KCTD16: variants seen among roughly 807,000 people sequenced by gnomAD.
The protein encoded by KCTD16 is BTB/POZ domain-containing protein KCTD16.
In KCTD16, 13 loss-of-function variants were observed where a neutral mutation model predicts 33.2. That is an observed-to-expected ratio of 0.39 (90% CI 0.25 to 0.62). The LOEUF is 0.62. Among genes scored for constraint, KCTD16 ranks in the 20% least tolerant of loss-of-function variants. The probability of loss-of-function intolerance (pLI) is 0.50; values close to 1 mark genes in which losing one functional copy is unlikely to be tolerated. For missense variants in KCTD16, 441 were observed against 525.1 expected, an observed-to-expected ratio of 0.84 and a Z score of 1.57; for synonymous variants, 197 against 195.3, an observed-to-expected ratio of 1.01 and a Z score of -0.07.
chr5:144,426,476 C>A (rs1039575463), intron 3 of KCTD16, among the ~76,000 whole-genome samples: 6 of 152,098 alleles, frequency 3.9e-5, no homozygotes, highest in African/African-American at 1.4e-4. Flanking sequence ...TAAAATTCTT[C>A]CAGATTCTGC....
rs1754594379 is a variant in KCTD16, at chr5:144,476,355, A to C, written c.*2241A>C. The C allele has an allele frequency of 6.6e-6, 1 of 152,198 alleles. No homozygotes were observed. The highest frequency in any genetic ancestry group is 2.4e-5 in the African/African-American group (1 of 41,466). 9.4% of individuals were successfully genotyped at this position (152,198 alleles called of 1,614,324 possible). On this transcript the variant is annotated 3_prime_UTR_variant, in exon 4 of 4. Coordinates refer to ENST00000512467, the MANE Select transcript of KCTD16 (RefSeq NM_020768.4). ...CTCAAGATAGAGAGATACCCTTATA[A>C]GAGTAAAGAATTAAGATGATAGTCA...
chr5:144,326,365 C>G (rs1752208354), intron 3 of KCTD16, among the ~76,000 whole-genome samples: 2 of 152,048 alleles, frequency 1.3e-5, no homozygotes, highest in South Asian at 2.1e-4. Context: ...AAATAATTAT[C>G]TCATCGAGGA....
rs137909026 is a variant in KCTD16 at position 144,283,770 on chromosome 5, T to C, written c.832+76224T>C. On this transcript the variant is annotated intron_variant, in intron 3 of 3. Coordinates refer to ENST00000512467, the MANE Select transcript of KCTD16 (RefSeq NM_020768.4). ...CTGAATACTACTGTTTGGTAAGACA[T>C]GAACAAATACATTCCTGAGCAAATG... Among the ~76,000 whole-genome samples, 5 of 152,286 alleles carry C rather than the reference T, an allele frequency of 3.3e-5. No homozygotes were observed. The East Asian group carries it at 9.6e-4, about 29-fold the overall frequency.
chr5:144,408,512 T>C (rs1752862786), intron 3 of KCTD16, among the ~76,000 whole-genome samples: 1 of 152,198 alleles, frequency 6.6e-6, no homozygotes, highest in Non-Finnish European at 1.5e-5. Flanking sequence ...ACATTAGAAA[T>C]GAGTCTTTGG....
intron 3 of KCTD16, among the ~76,000 whole-genome samples, chr5:144,330,565 T>A (rs1170822434): frequency 1.3e-5 from 2 of 152,252 alleles, no homozygotes; most frequent in Non-Finnish European, 2.9e-5. Flanking sequence ...ATAATAGATA[T>A]ACAAATGAGT....
intron 3 of KCTD16, among the ~76,000 whole-genome samples, chr5:144,209,875 T>C (rs1372548581): frequency 6.9e-6 from 1 of 145,632 alleles, no homozygotes; most frequent in Non-Finnish European, 1.5e-5. Flanking sequence ...TATATGTGTG[T>C]ATGTATGTAT....
rs192934758 is a variant in KCTD16, at chr5:144,399,465, T to C, written c.833-74195T>C. 1.8e-4 allele frequency among the ~76,000 whole-genome samples: 28 copies of C among 152,308 alleles called. No homozygotes were observed. In the Middle Eastern group the frequency reaches 0.01, roughly 56 times the overall value. On this transcript the variant is annotated intron_variant, in intron 3 of 3. Transcript: ENST00000512467. ...ATTTAGAAATAGAATCAGTTTCCCA[T>C]TAGCAAAGTGGTTGTGTTTTACTTT...
chr5:144,195,448 C>T (rs1752922891), intron 2 of KCTD16, among the ~76,000 whole-genome samples: 1 of 152,160 alleles, frequency 6.6e-6, no homozygotes, highest in Admixed American at 6.5e-5. Flanking sequence ...ATGATTTTTG[C>T]AGAATCTCCA....
chr5:144,289,961 T>A (rs1016169679), intron 3 of KCTD16, among the ~76,000 whole-genome samples: 1 of 152,188 alleles, frequency 6.6e-6, no homozygotes, highest in Admixed American at 6.5e-5. Context: ...ATAAACATTT[T>A]AAATAAACAT....
At position 144,470,039 on chromosome 5, in the gene KCTD16, C is replaced by A. The variant is rs569228443; in HGVS notation, c.833-3621C>A. Among the ~76,000 whole-genome samples the A allele has an allele frequency of 1.8e-4, 27 of 151,918 alleles. No individual in the cohort carries two copies. In the South Asian group the frequency reaches 5.2e-3, roughly 29 times the overall value. On this transcript the variant is annotated intron_variant, in intron 3 of 3. Coordinates refer to ENST00000512467, the MANE Select transcript of KCTD16 (RefSeq NM_020768.4). ...CCACATCTGGCTAATCAATTGTAAC[C>A]TATTTTCTCCCCAAATGGAGAGAAT...
chr5:144,304,830 A>G (rs1455974942), intron 3 of KCTD16, among the ~76,000 whole-genome samples: 1 of 152,124 alleles, frequency 6.6e-6, no homozygotes, highest in Non-Finnish European at 1.5e-5. Context: ...TGTCTTGACT[A>G]ATGTCATTAT....
chr5:144,218,445 A>T (rs1753631601), intron 3 of KCTD16, among the ~76,000 whole-genome samples: 1 of 152,208 alleles, frequency 6.6e-6, no homozygotes, highest in Non-Finnish European at 1.5e-5. Flanking sequence ...GGAAAACTTT[A>T]AGATTATTAA....
At chr5:144,324,566 C>T (rs1412612980) in intron 3 of KCTD16, among the ~76,000 whole-genome samples, 1 of 152,178 alleles carries the variant, frequency 6.6e-6, no homozygotes, top group Admixed American at 6.5e-5. Flanking sequence ...CCAGCAATCC[C>T]ATTACTGGTT....
At chr5:144,193,859 G>T (rs535563494) in intron 2 of KCTD16, among the ~76,000 whole-genome samples, 11 of 152,260 alleles carry the variant, frequency 7.2e-5, no homozygotes, top group African/African-American at 2.6e-4. Flanking sequence ...ATTGAGTGTT[G>T]GGTGCCAATG....
At chr5:144,332,648 A>T (rs1030339819) in intron 3 of KCTD16, among the ~76,000 whole-genome samples, 6 of 152,202 alleles carry the variant, frequency 3.9e-5, no homozygotes, top group Non-Finnish European at 5.9e-5. Flanking sequence ...TTCAGTAAGA[A>T]ATTGAAGAAG....
intron 3 of KCTD16, among the ~76,000 whole-genome samples, chr5:144,471,173 ACT>A (rs1754463802): frequency 6.6e-6 from 1 of 152,112 alleles, no homozygotes. Flanking sequence ...ATAGAGCAAG[ACT>A]CTGTCTCAAA....
chr5:144,368,781 G>A (rs1046649206), intron 3 of KCTD16, among the ~76,000 whole-genome samples: 1 of 152,164 alleles, frequency 6.6e-6, no homozygotes, highest in Non-Finnish European at 1.5e-5. Flanking sequence ...TAGGCATAGT[G>A]CCAAGTCCTT....
chr5:144,207,453 A>C lies in KCTD16; in HGVS notation c.739A>C (p.Met247Leu), dbSNP rs775287854. 1.9e-6 allele frequency: 3 copies of C among 1,614,198 alleles called. No individual in the cohort carries two copies. Among genetic ancestry groups the C allele is most frequent in the Non-Finnish European group, 2.5e-6 (3 of 1,180,018 alleles). Residue 247 changes from methionine (M) to leucine (L), a missense_variant, in exon 3 of 4, where the codon ATG (methionine) becomes CTG (leucine). Around this residue, in one of 3 missense-constraint regions of KCTD16, gnomAD observed 355 missense variants for 413.0 expected, o/e 0.86. Coordinates refer to ENST00000512467, the MANE Select transcript of KCTD16 (RefSeq NM_020768.4). ...TATGTTGTCAGAGTGTGGATTCCAC[A>C]TGGTGGCCTGTAACTCATCGGTGAC... ...FDMLSECGFH[M>L]VACNSSVTAS...
intron 2 of KCTD16, among the ~76,000 whole-genome samples, chr5:144,185,294 C>T (rs991963966): frequency 5.3e-5 from 8 of 152,154 alleles, no homozygotes; most frequent in Admixed American, 3.3e-4. Context: ...TTATTGGACA[C>T]CTCTTCTGTA....
Sources: gnomAD v4.1 joint callset for allele counts (sites outside exome capture counted in the v4.1 genomes callset) on GRCh38, gnomAD v4.1.1 for gene constraint, gnomAD v4.1.1 regional missense constraint, MANE v1.5 for transcripts, NCBI Gene and HGNC (gene_info 2026-07-23, HGNC 2026-07-21) for gene names.